The following NHLH1 variants were observed in gnomAD, a reference collection of about 807,000 sequenced individuals.
NHLH1 encodes helix-loop-helix protein 1.
NHLH1 carries 3 observed loss-of-function variants against 6.7 expected under a neutral mutation model. The ratio of observed to expected loss-of-function variants is 0.44; its 90% confidence interval spans 0.20 to 1.15. The LOEUF (loss-of-function observed/expected upper bound fraction) is 1.15. Among genes scored for constraint, NHLH1 ranks in the 50% most tolerant of loss-of-function variants. The pLI is 0.26. For synonymous variants in NHLH1, 92 were observed against 84.2 expected, an observed-to-expected ratio of 1.09 and a Z score of -0.51; for missense variants, 177 against 189.5, an observed-to-expected ratio of 0.93 and a Z score of 0.39.
rs1649639683 is a variant in NHLH1, at chr1:160,372,015, C to T, written c.*882C>T. Reference sequence around the variant, plus strand: ...ACTTCTGCTTCCTCATCTCAGCCCACTCTGAAAATGTGCAGCACCCTCACT... The same window carrying T: ...ACTTCTGCTTCCTCATCTCAGCCCATTCTGAAAATGTGCAGCACCCTCACT... On this transcript the variant is annotated 3_prime_UTR_variant, in exon 2 of 2. Transcript: ENST00000302101. 1 of 167,016 alleles carries T rather than the reference C, an allele frequency of 6.0e-6. No individual in the cohort carries two copies. The highest frequency in any genetic ancestry group is 6.5e-5 in the Admixed American group (1 of 15,280). The allele number at this position is 167,016 out of a possible 1,614,324, so 10.3% of individuals were successfully genotyped here. A position where few individuals can be genotyped will look rare whatever the true frequency, so the allele number is the denominator to read the frequency against.
chr1:160,370,740 C>A lies in NHLH1; in HGVS notation c.9C>A (p.Leu3=). 6.2e-7 allele frequency: 1 copy of A among 1,612,726 alleles called. No individual in the cohort carries two copies. Among genetic ancestry groups the A allele is most frequent in the South Asian group, 1.1e-5 (1 of 90,938 alleles). Reference sequence around the variant, plus strand: ...GGCAGGGGGCTTCCATCATGATGCTCAACTCAGACACCATGGAGCTGGACC... The same window carrying A: ...GGCAGGGGGCTTCCATCATGATGCTAAACTCAGACACCATGGAGCTGGACC... MM[L]NSDTMELDLP... Residue 3 remains leucine (L), a synonymous_variant, in exon 2 of 2, where the codon CTC becomes CTA. Coordinates refer to ENST00000302101, the MANE Select transcript of NHLH1 (RefSeq NM_005598.4).
rs1649601210 is a variant in NHLH1 at position 160,370,632 on chromosome 1, C to T, written c.-100C>T. 4.1e-6 allele frequency: 5 copies of T among 1,217,656 alleles called. No individual in the cohort carries two copies. The East Asian group carries it at 9.9e-5, about 24-fold the overall frequency. The allele number at this position is 1,217,656 out of a possible 1,614,324, so 75.4% of individuals were successfully genotyped here. A position where few individuals can be genotyped will look rare whatever the true frequency, so the allele number is the denominator to read the frequency against. On this transcript the variant is annotated 5_prime_UTR_variant, in exon 2 of 2. Coordinates refer to ENST00000302101, the MANE Select transcript of NHLH1 (RefSeq NM_005598.4). ...AGAGCTCAGTGGCAGACCCCACGAC[C>T]CTTCCTCCCCCTTCCTCCCCCTCCC...
chr1:160,370,175 C>T (rs1649589796), intron 1 of NHLH1, among the ~76,000 whole-genome samples: 1 of 152,032 alleles, frequency 6.6e-6, no homozygotes, highest in African/African-American at 2.4e-5. Flanking sequence ...GTGTCATTTC[C>T]AAGAAATCAC....
At position 160,371,172 on chromosome 1, in the gene NHLH1, C is replaced by T; in HGVS notation, c.*39C>T. The T allele has an allele frequency of 6.4e-7, 1 of 1,561,172 alleles. No homozygotes were observed. Among genetic ancestry groups the T allele is most frequent in the Non-Finnish European group, 8.7e-7 (1 of 1,154,784 alleles). On this transcript the variant is annotated 3_prime_UTR_variant, in exon 2 of 2. Coordinates refer to ENST00000302101, the MANE Select transcript of NHLH1 (RefSeq NM_005598.4). ...CCCACCTCCCGGGCCTCTCTGGGGC[C>T]CCTTTCCACCGCTCACTGCTTAGAA... is the stretch of plus-strand genomic sequence containing the variant.
chr1:160,371,071 A>C lies in NHLH1; in HGVS notation c.340A>C (p.Ile114Leu). Residue 114 changes from isoleucine (I) to leucine (L), a missense_variant, in exon 2 of 2, where the codon ATT becomes CTT. By Grantham distance (5) the Ile-to-Leu change is conservative. Coordinates refer to ENST00000302101, the MANE Select transcript of NHLH1 (RefSeq NM_005598.4). ...GCCCCCCGACAAGAAGCTCTCCAAG[A>C]TTGAGATTCTGCGCCTGGCCATCTG... Reference protein sequence around the residue: ...TLPPDKKLSKIEILRLAICYI... With the variant: ...TLPPDKKLSKLEILRLAICYI... 2 of 1,613,874 alleles carry C rather than the reference A, an allele frequency of 1.2e-6. No individual in the cohort carries two copies. The highest frequency in any genetic ancestry group is 1.7e-6 in the Non-Finnish European group (2 of 1,179,908).
At position 160,370,620 on chromosome 1, in the gene NHLH1, A is replaced by C. The variant is rs184941503; in HGVS notation, c.-112A>C. The C allele has an allele frequency of 6.2e-3, 6,419 of 1,027,802 alleles. 451 individuals are homozygous for C. The Admixed American group carries it at 0.13, about 20-fold the overall frequency. 63.7% of individuals were successfully genotyped at this position (1,027,802 alleles called of 1,614,324 possible). On this transcript the variant is annotated 5_prime_UTR_variant, in exon 2 of 2. Coordinates refer to ENST00000302101, the MANE Select transcript of NHLH1 (RefSeq NM_005598.4). ...GCAGTGACTTCTAGAGCTCAGTGGCAGACCCCACGACCCTTCCTCCCCCTT... is the reference window on the plus strand; with the variant it reads ...GCAGTGACTTCTAGAGCTCAGTGGCCGACCCCACGACCCTTCCTCCCCCTT...
In NHLH1 at chr1:160,370,622, A is replaced by G. The variant is rs1649600825; in HGVS notation, c.-110A>G. ...AGTGACTTCTAGAGCTCAGTGGCAG[A>G]CCCCACGACCCTTCCTCCCCCTTCC... On this transcript the variant is annotated 5_prime_UTR_variant, in exon 2 of 2. Coordinates refer to ENST00000302101, the MANE Select transcript of NHLH1 (RefSeq NM_005598.4). The G allele has an allele frequency of 9.6e-7, 1 of 1,046,726 alleles. No individual in the cohort carries two copies. 64.8% of individuals were successfully genotyped at this position (1,046,726 alleles called of 1,614,324 possible). A position where few individuals can be genotyped will look rare whatever the true frequency, so the allele number is the denominator to read the frequency against.
In NHLH1 at chr1:160,372,645, A is replaced by C; in HGVS notation, c.*1512A>C. On this transcript the variant is annotated 3_prime_UTR_variant, in exon 2 of 2. Coordinates refer to ENST00000302101, the MANE Select transcript of NHLH1 (RefSeq NM_005598.4). ...CAGGGCTCCTGGATGTCCTTCCTCA[A>C]CTCCCTCCACCCCTAGACAATCCTA... The C allele has an allele frequency of 6.1e-6, 1 of 163,820 alleles. No individual in the cohort carries two copies. Among genetic ancestry groups the C allele is most frequent in the Non-Finnish European group, 1.5e-5 (1 of 67,382 alleles). 10.1% of individuals were successfully genotyped at this position (163,820 alleles called of 1,614,324 possible).
chr1:160,370,716 G>C lies in NHLH1; in HGVS notation c.-16G>C, dbSNP rs1383712747. The C allele has an allele frequency of 6.2e-7, 1 of 1,611,626 alleles. No individual in the cohort carries two copies. Among genetic ancestry groups the C allele is most frequent in the African/African-American group, 1.3e-5 (1 of 74,938 alleles). On this transcript the variant is annotated 5_prime_UTR_variant, in exon 2 of 2. Transcript: ENST00000302101. ...GGGGAGGGGATCCTGATCTCACAGG[G>C]CAGGGGGCTTCCATCATGATGCTCA...
At chr1:160,370,503 G>A (rs756977822) in intron 1 of NHLH1, 54 bp from the exon 2 acceptor site, 3 of 465,324 alleles carry the variant, frequency 6.4e-6, no homozygotes, top group Non-Finnish European at 1.2e-5. Context: ...CCACCTCTGA[G>A]CTGAGCATTC....
intron 1 of NHLH1, among the ~76,000 whole-genome samples, chr1:160,369,389 G>T (rs1571218727): frequency 6.6e-6 from 1 of 152,178 alleles, no homozygotes; most frequent in African/African-American, 2.4e-5. Context: ...GAATAGTGCT[G>T]CTATGAACAT....
rs1649619742 is a variant in NHLH1, at chr1:160,371,233, T to C, written c.*100T>C. 4 of 1,494,182 alleles carry C rather than the reference T, an allele frequency of 2.7e-6. No individual in the cohort carries two copies. The highest frequency in any genetic ancestry group is 3.6e-6 in the Non-Finnish European group (4 of 1,123,438). The allele number at this position is 1,494,182 out of a possible 1,614,324, so 92.6% of individuals were successfully genotyped here. ...CTCCCCGAGCCCTTATACCTTGGCA[T>C]GGAGTCCCAAAGGCCCTGGGCACAG... On this transcript the variant is annotated 3_prime_UTR_variant, in exon 2 of 2. Transcript: ENST00000302101.
Position 160,371,743 on chromosome 1 carries a change from T to C in NHLH1, c.*610T>C, listed in dbSNP as rs1208548722. The C allele has an allele frequency of 6.0e-6, 1 of 167,274 alleles. No individual in the cohort carries two copies. The highest frequency in any genetic ancestry group is 2.4e-5 in the African/African-American group (1 of 41,446). The allele number at this position is 167,274 out of a possible 1,614,324, so 10.4% of individuals were successfully genotyped here. ...ATTATGGAAAAACTCTTCCTGTTTC[T>C]GTCCATCTTGTTCCTGTGGCTTAGC... On this transcript the variant is annotated 3_prime_UTR_variant, in exon 2 of 2. Transcript: ENST00000302101.
At chr1:160,370,004 A>G (rs1299626654) in intron 1 of NHLH1, among the ~76,000 whole-genome samples, 1 of 152,018 alleles carries the variant, frequency 6.6e-6, no homozygotes, top group Non-Finnish European at 1.5e-5. Context: ...GGATTTATTT[A>G]TATGTTCTGG....
intron 1 of NHLH1, among the ~76,000 whole-genome samples, chr1:160,368,117 G>A (rs548079327): frequency 2.6e-5 from 4 of 152,306 alleles, no homozygotes; most frequent in African/African-American, 9.6e-5. Flanking sequence ...GTGTGGTGGG[G>A]TGGGGCAAGG....
Position 160,370,674 on chromosome 1 carries a change from C to A in NHLH1, c.-58C>A. The A allele has an allele frequency of 1.3e-6, 2 of 1,566,846 alleles. No individual in the cohort carries two copies. The highest frequency in any genetic ancestry group is 1.7e-6 in the Non-Finnish European group (2 of 1,149,202). ...CCCCCTCCCACCACCAGCTTTCAAG[C>A]TCCCAGAGGGAGGGGTGGGGAGGGG... On this transcript the variant is annotated 5_prime_UTR_variant, in exon 2 of 2. Transcript: ENST00000302101.
At position 160,371,268 on chromosome 1, in the gene NHLH1, C is replaced by A; in HGVS notation, c.*135C>A. On this transcript the variant is annotated 3_prime_UTR_variant, in exon 2 of 2. Transcript: ENST00000302101. ...AAGGCCCTGGGCACAGGCAGAGAGCCCACCGGCTGGTCATGAGGGCCTCTT... is the reference window on the plus strand; with the variant it reads ...AAGGCCCTGGGCACAGGCAGAGAGCACACCGGCTGGTCATGAGGGCCTCTT... 7.2e-7 allele frequency: 1 copy of A among 1,398,078 alleles called. No homozygotes were observed. The allele number at this position is 1,398,078 out of a possible 1,614,324, so 86.6% of individuals were successfully genotyped here.
chr1:160,371,050 C>G lies in NHLH1; in HGVS notation c.319C>G (p.Pro107Ala). Residue 107 changes from proline to alanine, a missense_variant, in exon 2 of 2, where the codon CCC becomes GCC. Pro to Ala is a conservative substitution (Grantham distance 27, BLOSUM62 -1). Transcript: ENST00000302101. ...GCGCAAGCTGCTGCCTACGCTGCCC[C>G]CCGACAAGAAGCTCTCCAAGATTGA... ...ELRKLLPTLP[P>A]DKKLSKIEIL... 1 of 1,614,122 alleles carries G rather than the reference C, an allele frequency of 6.2e-7. No homozygotes were observed. Among genetic ancestry groups the G allele is most frequent in the Non-Finnish European group, 8.5e-7 (1 of 1,180,006 alleles).
chr1:160,371,353 G>A lies in NHLH1; in HGVS notation c.*220G>A. ...TCCTGGGTTCCTTCCGGGGTTTATTGCTGAGGCCCAGCTGTGCAGAATTGT... is the reference window on the plus strand; with the variant it reads ...TCCTGGGTTCCTTCCGGGGTTTATTACTGAGGCCCAGCTGTGCAGAATTGT... On this transcript the variant is annotated 3_prime_UTR_variant, in exon 2 of 2. Coordinates refer to ENST00000302101, the MANE Select transcript of NHLH1 (RefSeq NM_005598.4). 1 of 629,538 alleles carries A rather than the reference G, an allele frequency of 1.6e-6. No individual in the cohort carries two copies. The allele number at this position is 629,538 out of a possible 1,614,324, so 39.0% of individuals were successfully genotyped here. A position where few individuals can be genotyped will look rare whatever the true frequency, so the allele number is the denominator to read the frequency against.
Sources: allele counts gnomAD v4.1 joint callset (sites outside exome capture counted in the v4.1 genomes callset), GRCh38; gene constraint gnomAD v4.1.1; transcripts MANE v1.5; gene names NCBI Gene and HGNC (gene_info 2026-07-23, HGNC 2026-07-21).